CDH11: variants seen among roughly 807,000 people sequenced by gnomAD.
CDH11 encodes cadherin 11.
A neutral mutation model predicts 67.8 loss-of-function variants in CDH11; 11 were observed. That is an observed-to-expected ratio of 0.16 (90% CI 0.10 to 0.27). The LOEUF (loss-of-function observed/expected upper bound fraction) is 0.27. CDH11 is among the 10% of genes least tolerant of loss of function. The pLI is 1.00. For missense variants in CDH11, 847 were observed against 1,031.2 expected, an observed-to-expected ratio of 0.82 and a Z score of 2.45; for synonymous variants, 419 against 400.0, an observed-to-expected ratio of 1.05 and a Z score of -0.57.
chr16:65,020,397 T>C (rs941515389), intron 2 of CDH11, among the ~76,000 whole-genome samples: 1 of 152,208 alleles, frequency 6.6e-6, no homozygotes, highest in African/African-American at 2.4e-5. Context: ...TGGCATGATC[T>C]CAGCTCACTG....
intron 2 of CDH11, among the ~76,000 whole-genome samples, chr16:65,029,878 A>G (rs1256761627): frequency 6.6e-6 from 1 of 152,206 alleles, no homozygotes; most frequent in Non-Finnish European, 1.5e-5. Flanking sequence ...CAGACTTGGG[A>G]CATATCAAAT....
intron 2 of CDH11, among the ~76,000 whole-genome samples, chr16:65,024,519 C>T (rs2073493765): frequency 6.6e-6 from 1 of 152,122 alleles, no homozygotes; most frequent in Non-Finnish European, 1.5e-5. Context: ...AGCAACTAGG[C>T]ACATGTGGCT....
In CDH11 at chr16:64,947,918, G is replaced by A; in HGVS notation, c.2076C>T (p.Pro692=). 1 of 1,614,142 alleles carries A rather than the reference G, an allele frequency of 6.2e-7. No individual in the cohort carries two copies. Among genetic ancestry groups the A allele is most frequent in the Non-Finnish European group, 8.5e-7 (1 of 1,180,012 alleles). ...GATACTCAGGTTTGATGTCTTTGCG[G>A]GGGATAAATCCATTGATACCATCAG... ...QNPDGINGFI[P]RKDIKPEYQY... Residue 692 remains proline, a synonymous_variant, in exon 13 of 13, where the codon CCC becomes CCT. Coordinates refer to ENST00000268603, the MANE Select transcript of CDH11 (RefSeq NM_001797.4).
At chr16:65,090,384 C>A (rs1421065850) in intron 1 of CDH11, among the ~76,000 whole-genome samples, 1 of 152,122 alleles carries the variant, frequency 6.6e-6, no homozygotes, top group Non-Finnish European at 1.5e-5. Context: ...ATCACCATTA[C>A]CACAGATACC....
In CDH11 at chr16:65,042,363, C is replaced by T. The variant is rs147289794; in HGVS notation, c.-173+11441G>A. On this transcript the variant is annotated intron_variant, in intron 2 of 12. Coordinates refer to ENST00000268603, the MANE Select transcript of CDH11 (RefSeq NM_001797.4). ...ACTACAGGGTGGGTGGAGGATATGG[C>T]TTCAGAGGTTGTGAAGTCAGGAAAG... 2.5e-3 allele frequency among the ~76,000 whole-genome samples: 383 copies of T among 152,220 alleles called. 3 individuals are homozygous for T. Among genetic ancestry groups the T allele is most frequent in the African/African-American group, 8.5e-3 (354 of 41,534 alleles).
At chr16:64,988,766 T>C (rs2142482705) in intron 6 of CDH11, among the ~76,000 whole-genome samples, 1 of 152,194 alleles carries the variant, frequency 6.6e-6, no homozygotes, top group African/African-American at 2.4e-5. Context: ...AAAAAAAAAT[T>C]CTCTGTTTAA....
intron 2 of CDH11, among the ~76,000 whole-genome samples, chr16:65,007,694 G>T (rs1260374831): frequency 6.6e-6 from 1 of 152,184 alleles, no homozygotes; most frequent in Admixed American, 6.5e-5. Context: ...ACTGAAGCCT[G>T]TGTAAAATTT....
intron 2 of CDH11, among the ~76,000 whole-genome samples, chr16:65,044,705 A>C (rs1048496114): frequency 7.2e-5 from 11 of 152,108 alleles, no homozygotes; most frequent in Admixed American, 6.5e-5. Context: ...AGGGGCTACC[A>C]GCAGCACAAT....
chr16:65,109,513 G>C (rs890153719), intron 1 of CDH11, among the ~76,000 whole-genome samples: 34 of 152,296 alleles, frequency 2.2e-4, no homozygotes, highest in Middle Eastern at 3.4e-3. Context: ...CAACACAGAG[G>C]CTATACAGTT....
intron 1 of CDH11, among the ~76,000 whole-genome samples, chr16:65,086,290 A>G (rs1307776571): frequency 6.6e-6 from 1 of 152,210 alleles, no homozygotes. Context: ...AGGTATACCA[A>G]TGGTTCTCAA....
At chr16:65,061,356 C>T (rs551791194) in intron 1 of CDH11, among the ~76,000 whole-genome samples, 4 of 152,234 alleles carry the variant, frequency 2.6e-5, no homozygotes, top group African/African-American at 9.6e-5. Flanking sequence ...ATTGAAAATA[C>T]CTATTGACTT....
intron 11 of CDH11, among the ~76,000 whole-genome samples, chr16:64,954,461 G>T (rs1024656958): frequency 2.0e-5 from 3 of 152,048 alleles, no homozygotes; most frequent in African/African-American, 7.2e-5. Flanking sequence ...TGCCTCATGG[G>T]GTTGTTAAGC....
chr16:64,959,253 A>C (rs1317511622), intron 11 of CDH11, among the ~76,000 whole-genome samples: 2 of 152,188 alleles, frequency 1.3e-5, no homozygotes, highest in East Asian at 1.9e-4. Flanking sequence ...GAGATATCGA[A>C]GTATGCAGTT....
At chr16:64,988,114 C>T (rs1422304345) in intron 7 of CDH11, 43 bp downstream of exon 7, 13 of 1,468,768 alleles carry the variant, frequency 8.9e-6, no homozygotes, top group Admixed American at 6.0e-5. Flanking sequence ...CTTGGCAGAG[C>T]AGGCCATACC....
At chr16:65,120,022 A>G (rs1161714385) in intron 1 of CDH11, among the ~76,000 whole-genome samples, 1 of 152,166 alleles carries the variant, frequency 6.6e-6, no homozygotes, top group Non-Finnish European at 1.5e-5. Flanking sequence ...GGAGCCTCAG[A>G]GTGCTTCTCG....
chr16:65,085,115 T>C (rs1305592701), intron 1 of CDH11, among the ~76,000 whole-genome samples: 1 of 152,132 alleles, frequency 6.6e-6, no homozygotes, highest in Non-Finnish European at 1.5e-5. Flanking sequence ...TTCACCACAT[T>C]GGGCAGCGTG....
chr16:65,119,560 G>A (rs1281894982), intron 1 of CDH11, among the ~76,000 whole-genome samples: 1 of 152,146 alleles, frequency 6.6e-6, no homozygotes, highest in Non-Finnish European at 1.5e-5. Flanking sequence ...TTCCTAGGCA[G>A]CAATAAGCAG....
At chr16:64,957,284 G>T (rs1164641570) in intron 11 of CDH11, among the ~76,000 whole-genome samples, 1 of 152,040 alleles carries the variant, frequency 6.6e-6, no homozygotes, top group Non-Finnish European at 1.5e-5. Flanking sequence ...AAGGCCACAG[G>T]GCACTTCAGT....
chr16:64,980,379 CATAACCT>C (rs2072301090), intron 8 of CDH11, among the ~76,000 whole-genome samples: 1 of 152,156 alleles, frequency 6.6e-6, no homozygotes, highest in Non-Finnish European at 1.5e-5. Flanking sequence ...GAGGACCTCA[CATAACCT>C]AAGTGTCCCT....
Sources: allele counts gnomAD v4.1 joint callset (sites outside exome capture counted in the v4.1 genomes callset), GRCh38; gene constraint gnomAD v4.1.1; transcripts MANE v1.5; gene names NCBI Gene and HGNC (gene_info 2026-07-23, HGNC 2026-07-21).